Variants in TNRC6B observed in about 807,000 individuals in gnomAD.
TNRC6B encodes the protein trinucleotide repeat containing adaptor 6B, also known as trinucleotide repeat-containing gene 6B protein.
In TNRC6B, 52 loss-of-function variants were observed where a neutral mutation model predicts 203.6. The observed-to-expected ratio is 0.26, with a 90% CI of 0.20 to 0.32. TNRC6B has a LOEUF of 0.32. Among genes scored for constraint, TNRC6B ranks in the 10% least tolerant of loss-of-function variants. The probability of loss-of-function intolerance (pLI) is 1.00; values close to 1 mark genes in which losing one functional copy is unlikely to be tolerated. For synonymous variants in TNRC6B, 838 were observed against 845.7 expected (o/e 0.99, Z 0.16); for missense variants, 1,923 against 2,286.2 (o/e 0.84, Z 3.24).
chr22:40,245,378 A>C (rs115201320), intron 1 of TNRC6B, among the ~76,000 whole-genome samples: 187 of 152,292 alleles, frequency 1.2e-3, no homozygotes, highest in African/African-American at 4.1e-3. Context: ...GGCGTAAGCT[A>C]CCACGCCTAT....
chr22:40,301,521 A>G lies in TNRC6B; in HGVS notation c.4120+188A>G, dbSNP rs930569058. On this transcript the variant is annotated intron_variant, in intron 15 of 22. Transcript: ENST00000454349. ...TCAGTGGGTTTCCAGAGCTCACCAC[A>G]TGGTTACTAAATAGCAGAGCCAGGC... is the stretch of plus-strand genomic sequence containing the variant. 6.3e-6 allele frequency: 4 copies of G among 630,716 alleles called. No homozygotes were observed. The East Asian group carries it at 1.1e-4, about 18-fold the overall frequency. The allele number at this position is 630,716 out of a possible 1,614,324, so 39.1% of individuals were successfully genotyped here. A position where few individuals can be genotyped will look rare whatever the true frequency, so the allele number is the denominator to read the frequency against.
chr22:40,264,581 T>G (rs1292568358), intron 4 of TNRC6B, 107 bp from the exon 5 acceptor site: 2 of 1,232,356 alleles, frequency 1.6e-6, no homozygotes, highest in African/African-American at 3.0e-5. Flanking sequence ...GAAACTGGCA[T>G]GTGATCAGCT....
intron 4 of TNRC6B, among the ~76,000 whole-genome samples, chr22:40,166,344 GA>G (rs2146362917): frequency 6.7e-6 from 1 of 150,216 alleles, no homozygotes; most frequent in South Asian, 2.1e-4. Context: ...ACAAAATTCA[GA>G]AAAACAATGT....
intron 1 of TNRC6B, among the ~76,000 whole-genome samples, chr22:40,087,492 G>C (rs1301046641): frequency 6.6e-6 from 1 of 152,170 alleles, no homozygotes; most frequent in East Asian, 1.9e-4. Flanking sequence ...TTTTCTAGTG[G>C]GAGAAAGACA....
chr22:40,185,568 C>G lies in TNRC6B; in HGVS notation c.5+7428C>G, dbSNP rs1324317065. On this transcript the variant is annotated intron_variant, in intron 1 of 22. Transcript: ENST00000454349. Reference sequence around the variant, plus strand: ...ATTGGGCAGAATGGTGGTGAGTAGACTCATGGCAGGCTGTATTAGCTAGAG... The same window carrying G: ...ATTGGGCAGAATGGTGGTGAGTAGAGTCATGGCAGGCTGTATTAGCTAGAG... 2.0e-5 allele frequency among the ~76,000 whole-genome samples: 3 copies of G among 152,124 alleles called. No homozygotes were observed. In the East Asian group the frequency reaches 5.8e-4, roughly 29 times the overall value.
intron 22 of TNRC6B, 65 bp from the exon 23 acceptor site, chr22:40,322,789 C>A: frequency 6.3e-7 from 1 of 1,585,218 alleles, no homozygotes; most frequent in Non-Finnish European, 8.6e-7. Context: ...GGACTGCAGT[C>A]GCTCCCTCCG....
chr22:40,160,012 C>G (rs1184974699), intron 4 of TNRC6B, among the ~76,000 whole-genome samples: 1 of 152,112 alleles, frequency 6.6e-6, no homozygotes, highest in Non-Finnish European at 1.5e-5. Flanking sequence ...AATGAGGTCT[C>G]ACGTTGTTGC....
At chr22:40,140,806 A>G (rs1347153204) in intron 3 of TNRC6B, among the ~76,000 whole-genome samples, 1 of 151,876 alleles carries the variant, frequency 6.6e-6, no homozygotes. Flanking sequence ...ATGCCTGGCT[A>G]ATTTTTGTAT....
At chr22:40,172,213 G>C (rs1244760593) in intron 4 of TNRC6B, among the ~76,000 whole-genome samples, 1 of 152,098 alleles carries the variant, frequency 6.6e-6, no homozygotes, top group Non-Finnish European at 1.5e-5. Context: ...CTTAAATGTT[G>C]CTCCTGAGAA....
At chr22:40,224,861 T>C (rs1372881721) in intron 1 of TNRC6B, among the ~76,000 whole-genome samples, 1 of 152,258 alleles carries the variant, frequency 6.6e-6, no homozygotes, top group Non-Finnish European at 1.5e-5. Flanking sequence ...GCCGTGTGCC[T>C]CATCCCTCTG....
chr22:40,286,671 C>T (rs117209377), intron 12 of TNRC6B, among the ~76,000 whole-genome samples: 14 of 152,250 alleles, frequency 9.2e-5, no homozygotes, highest in African/African-American at 1.9e-4. Flanking sequence ...GCTCTGTGTA[C>T]GACATAGTCC....
chr22:40,332,170 C>G lies in TNRC6B; in HGVS notation c.*8929C>G, dbSNP rs1028040139. 1 of 152,810 alleles carries G rather than the reference C, an allele frequency of 6.5e-6. No homozygotes were observed. The highest frequency in any genetic ancestry group is 1.5e-5 in the Non-Finnish European group (1 of 68,198). The allele number at this position is 152,810 out of a possible 1,614,324, so 9.5% of individuals were successfully genotyped here. The stretch of plus-strand genomic sequence containing the variant: ...TCGATTTTGAAAAACTCCGCCTCCT[C>G]TCTCCTTTTTAATATTTCTTTCTTC... On this transcript the variant is annotated 3_prime_UTR_variant, in exon 23 of 23. Coordinates refer to ENST00000454349, the MANE Select transcript of TNRC6B (RefSeq NM_001162501.2).
At chr22:40,142,825 G>T (rs774520889) in intron 3 of TNRC6B, among the ~76,000 whole-genome samples, 3 of 152,184 alleles carry the variant, frequency 2.0e-5, no homozygotes, top group Middle Eastern at 3.4e-3. Context: ...ATTATCCAAA[G>T]ACTAATGTAA....
intron 4 of TNRC6B, among the ~76,000 whole-genome samples, chr22:40,167,187 A>G (rs1434292620): frequency 6.6e-6 from 1 of 152,146 alleles, no homozygotes; most frequent in East Asian, 1.9e-4. Flanking sequence ...AAAACCACAT[A>G]AATTTAGTTT....
At chr22:40,267,968 C>A (rs1331856282) in intron 5 of TNRC6B, among the ~76,000 whole-genome samples, 1 of 152,156 alleles carries the variant, frequency 6.6e-6, no homozygotes, top group East Asian at 1.9e-4. Flanking sequence ...GTAAAAGTAG[C>A]AATGGTAATG....
intron 1 of TNRC6B, among the ~76,000 whole-genome samples, chr22:40,057,115 A>G (rs923620956): frequency 3.3e-5 from 5 of 152,148 alleles, no homozygotes; most frequent in African/African-American, 4.8e-5. Context: ...GTCGAGATAA[A>G]GTCACAGGAT....
intron 22 of TNRC6B, 28 bp from the exon 23 acceptor site, chr22:40,322,826 A>G (rs1046151888): frequency 6.2e-7 from 1 of 1,613,026 alleles, no homozygotes; most frequent in Non-Finnish European, 8.5e-7. Flanking sequence ...CCTGAGATCC[A>G]TAGCTCTCTT....
At chr22:40,132,662 G>T (rs1051542136) in intron 3 of TNRC6B, among the ~76,000 whole-genome samples, 3 of 99,354 alleles carry the variant, frequency 3.0e-5, no homozygotes, top group South Asian at 2.9e-4. Context: ...AAAAAAAAAA[G>T]GCTGGGCGCA....
At chr22:40,151,689 A>G (rs181415805) in intron 3 of TNRC6B, among the ~76,000 whole-genome samples, 24 of 152,170 alleles carry the variant, frequency 1.6e-4, no homozygotes, top group African/African-American at 5.5e-4. Flanking sequence ...TAAAAATTCA[A>G]TTAAAATAGC....
Sources: allele counts gnomAD v4.1 joint callset (sites outside exome capture counted in the v4.1 genomes callset), GRCh38; gene constraint gnomAD v4.1.1; transcripts MANE v1.5; gene names NCBI Gene and HGNC (gene_info 2026-07-23, HGNC 2026-07-21).